Variants in GPC6 observed in about 807,000 individuals in gnomAD.
GPC6 encodes the protein glypican 6.
GPC6 carries 14 observed loss-of-function variants against 55.2 expected under a neutral mutation model. The observed-to-expected ratio is 0.25, with a 90% CI of 0.17 to 0.40. GPC6 has a LOEUF of 0.40. GPC6 is among the 10% of genes least tolerant of loss of function. GPC6 has a pLI of 1.00. For missense variants in GPC6, 641 were observed against 708.5 expected (o/e 0.90, Z 1.08); for synonymous variants, 278 against 259.6 (o/e 1.07, Z -0.68).
intron 4 of GPC6, among the ~76,000 whole-genome samples, chr13:94,245,208 T>G (rs1891161306): frequency 6.6e-6 from 1 of 152,106 alleles, no homozygotes; most frequent in Non-Finnish European, 1.5e-5. Flanking sequence ...TACTGTTTTA[T>G]TCTCTATCTC....
intron 1 of GPC6, among the ~76,000 whole-genome samples, chr13:93,388,082 A>G (rs1875474322): frequency 6.6e-6 from 1 of 152,180 alleles, no homozygotes; most frequent in Admixed American, 6.5e-5. Flanking sequence ...TGAATGAGAT[A>G]TGATTGTCCC....
chr13:94,312,742 A>G (rs1013413830), intron 6 of GPC6, among the ~76,000 whole-genome samples: 6 of 138,484 alleles, frequency 4.3e-5, no homozygotes, highest in African/African-American at 1.9e-4. Flanking sequence ...ACACACACAC[A>G]TGCACTCACC....
intron 3 of GPC6, among the ~76,000 whole-genome samples, chr13:93,862,386 G>T (rs56118807): frequency 0.034 from 5,222 of 151,416 alleles, 268 homozygotes; most frequent in East Asian, 0.17. Flanking sequence ...CTACTGCTCC[G>T]TGAGTTCATA....
intron 3 of GPC6, among the ~76,000 whole-genome samples, chr13:93,851,255 T>A (rs1423616525): frequency 6.6e-6 from 1 of 151,980 alleles, no homozygotes; most frequent in African/African-American, 2.4e-5. Context: ...CTATACTATG[T>A]TTTTGTATAT....
At chr13:93,910,061 T>TTGTG (rs113288409) in intron 3 of GPC6, among the ~76,000 whole-genome samples, 4,859 of 150,120 alleles carry the variant, frequency 0.032, 251 homozygotes, top group African/African-American at 0.11. Flanking sequence ...GCTCGTGTGT[T>TTGTG]TGTGTGTGTG....
chr13:94,327,983 G>T (rs1053938061), intron 6 of GPC6, among the ~76,000 whole-genome samples: 2 of 152,042 alleles, frequency 1.3e-5, no homozygotes, highest in Admixed American at 6.6e-5. Context: ...CTCCGATTTT[G>T]TTGGGAGAAA....
intron 2 of GPC6, chr13:93,818,650 G>A (rs1566550688): frequency 6.6e-6 from 1 of 152,230 alleles, no homozygotes; most frequent in Non-Finnish European, 1.5e-5. Flanking sequence ...TGATAAATGG[G>A]AAAGAAATGG....
intron 3 of GPC6, among the ~76,000 whole-genome samples, chr13:93,889,118 G>A (rs896464534): frequency 5.3e-5 from 8 of 151,864 alleles, no homozygotes; most frequent in African/African-American, 1.9e-4. Context: ...AAAATATATG[G>A]TTGATATGTC....
chr13:94,339,752 T>C (rs75064684), intron 6 of GPC6, among the ~76,000 whole-genome samples: 1 of 47,872 alleles, frequency 2.1e-5, no homozygotes, highest in Non-Finnish European at 5.1e-5. Flanking sequence ...CATACTTTCC[T>C]TTTTTTTTTT....
At chr13:93,855,007 T>C (rs1888550378) in intron 3 of GPC6, among the ~76,000 whole-genome samples, 2 of 151,660 alleles carry the variant, frequency 1.3e-5, no homozygotes, top group African/African-American at 4.8e-5. Context: ...ACATGTGTTA[T>C]GACTGATGAA....
At chr13:93,742,529 A>G (rs546107083) in intron 2 of GPC6, among the ~76,000 whole-genome samples, 4 of 152,180 alleles carry the variant, frequency 2.6e-5, no homozygotes, top group African/African-American at 9.7e-5. Context: ...AAGATGGATA[A>G]ATGTGGGCCA....
chr13:94,232,973 TC>T (rs1890776652), intron 4 of GPC6, among the ~76,000 whole-genome samples: 2 of 150,270 alleles, frequency 1.3e-5, no homozygotes, highest in African/African-American at 4.9e-5. Flanking sequence ...TCACAATAGT[TC>T]AGGTTTTATA....
chr13:94,046,107 AC>A (rs1252930617), intron 4 of GPC6, among the ~76,000 whole-genome samples: 5 of 151,772 alleles, frequency 3.3e-5, no homozygotes, highest in African/African-American at 4.8e-5. Flanking sequence ...CGGACTGCCA[AC>A]AAAAAAATAG....
chr13:94,262,529 T>C (rs1891683908), intron 4 of GPC6, among the ~76,000 whole-genome samples: 1 of 151,936 alleles, frequency 6.6e-6, no homozygotes, highest in Admixed American at 6.6e-5. Context: ...AAAAATTAAC[T>C]GGGCGTGGTG....
At chr13:93,801,324 A>G (rs1282894033) in intron 2 of GPC6, among the ~76,000 whole-genome samples, 1 of 152,220 alleles carries the variant, frequency 6.6e-6, no homozygotes. Flanking sequence ...AAAGAAGACA[A>G]AAGAATATAC....
chr13:94,163,725 C>G (rs1354347091), intron 4 of GPC6, among the ~76,000 whole-genome samples: 1 of 152,150 alleles, frequency 6.6e-6, no homozygotes, highest in Non-Finnish European at 1.5e-5. Flanking sequence ...CAAGAGAGCC[C>G]TTGGAGAAAA....
chr13:94,399,249 A>G (rs1387602901), intron 8 of GPC6, among the ~76,000 whole-genome samples: 1 of 152,248 alleles, frequency 6.6e-6, no homozygotes, highest in Non-Finnish European at 1.5e-5. Context: ...ATGCACATAC[A>G]CAACCCATAG....
At chr13:93,743,218 G>A (rs1184507955) in intron 2 of GPC6, among the ~76,000 whole-genome samples, 1 of 152,174 alleles carries the variant, frequency 6.6e-6, no homozygotes, top group Non-Finnish European at 1.5e-5. Flanking sequence ...ACACTGAAAG[G>A]TCAAGTAGAC....
At chr13:93,390,801 T>TA (rs879499878) in intron 1 of GPC6, among the ~76,000 whole-genome samples, 300 of 145,416 alleles carry the variant, frequency 2.1e-3, no homozygotes, top group Non-Finnish European at 2.4e-3. Context: ...TTACTGTCAT[T>TA]AAAAAAAAAA....
Sources: allele counts gnomAD v4.1 joint callset (sites outside exome capture counted in the v4.1 genomes callset), GRCh38; gene constraint gnomAD v4.1.1; transcripts MANE v1.5; gene names NCBI Gene and HGNC (gene_info 2026-07-23, HGNC 2026-07-21).